Variants in CDC14B observed in about 807,000 individuals in gnomAD.
CDC14B encodes cell division cycle 14B, also known as dual specificity protein phosphatase CDC14B.
CDC14B carries 22 observed loss-of-function variants against 64.2 expected under a neutral mutation model. The observed-to-expected ratio is 0.34, with a 90% CI of 0.24 to 0.49. The LOEUF is 0.49. CDC14B is among the 20% of genes least tolerant of loss of function. CDC14B has a pLI of 0.99. For synonymous variants in CDC14B, 191 were observed against 215.8 expected, an observed-to-expected ratio of 0.89 and a Z score of 1.01; for missense variants, 498 against 629.9, an observed-to-expected ratio of 0.79 and a Z score of 2.24.
At chr9:96,514,861 C>T (rs961469411) in intron 12 of CDC14B, 15 of 985,222 alleles carry the variant, frequency 1.5e-5, no homozygotes, top group African/African-American at 1.2e-4. Context: ...AAAGCCTCTT[C>T]GCTGTTAAGG....
chr9:96,608,680 G>A (rs1347961543), intron 1 of CDC14B, among the ~76,000 whole-genome samples: 2 of 151,928 alleles, frequency 1.3e-5, no homozygotes, highest in South Asian at 2.1e-4. Context: ...ACTTCTTACC[G>A]AGAATAAACA....
chr9:96,615,687 G>A lies in CDC14B; in HGVS notation c.160+3532C>T, dbSNP rs1003391571. ...AGCCATTCGGAAAAAGAGTCTGACA[G>A]TTCCTTAAAACATTAAACGTGGAGA... On this transcript the variant is annotated intron_variant, in intron 1 of 13. Coordinates refer to ENST00000375241, the MANE Select transcript of CDC14B (RefSeq NM_033331.4). Among the ~76,000 whole-genome samples the A allele has an allele frequency of 3.9e-5, 6 of 152,202 alleles. No individual in the cohort carries two copies. In the South Asian group the frequency reaches 1.2e-3, roughly 31 times the overall value.
intron 12 of CDC14B, among the ~76,000 whole-genome samples, chr9:96,512,764 C>T (rs868122731): frequency 6.6e-6 from 1 of 152,134 alleles, no homozygotes; most frequent in Non-Finnish European, 1.5e-5. Context: ...AAGCCCAGGC[C>T]GGGGCACTCG....
At chr9:96,496,416 G>A (rs1833242646), downstream of CDC14B, 2 of 460,184 alleles carry the variant, frequency 4.3e-6, no homozygotes, top group African/African-American at 2.0e-5. Flanking sequence ...ACCACCACAG[G>A]GCCTGTCTCA....
At chr9:96,495,550 A>G (rs915588586), downstream of CDC14B, among the ~76,000 whole-genome samples, 6 of 152,190 alleles carry the variant, frequency 3.9e-5, no homozygotes, top group African/African-American at 1.4e-4. Flanking sequence ...CAGTGAGGAA[A>G]ACGTTTCAAG....
intron 1 of CDC14B, chr9:96,567,075 TC>T: frequency 1.0e-5 from 10 of 961,688 alleles, no homozygotes; most frequent in African/African-American, 1.7e-5. Context: ...CCGCTTTCTT[TC>T]CCCCCGCCTG....
At chr9:96,575,572 T>C (rs1464871536) in intron 1 of CDC14B, among the ~76,000 whole-genome samples, 1 of 152,112 alleles carries the variant, frequency 6.6e-6, no homozygotes, top group Non-Finnish European at 1.5e-5. Context: ...AGCCACCCAA[T>C]AGCAAGAAGA....
At chr9:96,610,098 TAC>T (rs570379220) in intron 1 of CDC14B, among the ~76,000 whole-genome samples, 6,894 of 148,954 alleles carry the variant, frequency 0.046, 537 homozygotes, top group African/African-American at 0.16. Flanking sequence ...GATATATAGA[TAC>T]ACACACACAC....
chr9:96,579,025 C>T (rs1844977552), intron 1 of CDC14B, among the ~76,000 whole-genome samples: 1 of 152,060 alleles, frequency 6.6e-6, no homozygotes, highest in Non-Finnish European at 1.5e-5. Flanking sequence ...ACCATGTTGG[C>T]CAGGCTGGTC....
intron 5 of CDC14B, among the ~76,000 whole-genome samples, chr9:96,546,185 T>C (rs1398420445): frequency 9.9e-5 from 15 of 152,204 alleles, no homozygotes; most frequent in Admixed American, 3.9e-4. Flanking sequence ...GGCAAATAAA[T>C]TGTGGTATAC....
intron 4 of CDC14B, among the ~76,000 whole-genome samples, chr9:96,558,040 T>G (rs985050329): frequency 6.6e-6 from 1 of 152,162 alleles, no homozygotes; most frequent in Non-Finnish European, 1.5e-5. Context: ...CAGGAAGATG[T>G]AACCAAAGTT....
intron 1 of CDC14B, among the ~76,000 whole-genome samples, chr9:96,600,561 G>A (rs908711164): frequency 1.3e-5 from 2 of 151,658 alleles, no homozygotes; most frequent in African/African-American, 4.8e-5. Context: ...GGAGTGCAAT[G>A]GTGCGATCTT....
Position 96,522,619 on chromosome 9 carries a change from A to C in CDC14B, c.1246-16T>G, listed in dbSNP as rs563402791. The C allele has an allele frequency of 6.6e-7, 1 of 1,506,720 alleles. No individual in the cohort carries two copies. Among genetic ancestry groups the C allele is most frequent in the African/African-American group, 1.4e-5 (1 of 72,958 alleles). The allele number at this position is 1,506,720 out of a possible 1,614,324, so 93.3% of individuals were successfully genotyped here. A position where few individuals can be genotyped will look rare whatever the true frequency, so the allele number is the denominator to read the frequency against. Reference sequence around the variant, plus strand: ...CATCACTGTACTGTGTAAGTAAAAAAACACTGAGCTAATGATTTAAGTTGC... The same window carrying C: ...CATCACTGTACTGTGTAAGTAAAAACACACTGAGCTAATGATTTAAGTTGC... On this transcript the variant is annotated splice_polypyrimidine_tract_variant and intron_variant, in intron 11 of 13. Transcript: ENST00000375241.
intron 1 of CDC14B, among the ~76,000 whole-genome samples, chr9:96,597,896 C>A (rs1345905836): frequency 1.3e-5 from 2 of 152,074 alleles, no homozygotes; most frequent in Non-Finnish European, 1.5e-5. Flanking sequence ...TTCATAAGGA[C>A]AATAGCATAA....
At chr9:96,576,285 A>G (rs919730209) in intron 1 of CDC14B, among the ~76,000 whole-genome samples, 1 of 151,822 alleles carries the variant, frequency 6.6e-6, no homozygotes, top group Non-Finnish European at 1.5e-5. Context: ...CATCTCAAAA[A>G]AAAAGAATTC....
At chr9:96,508,254 G>A (rs868113605) in intron 13 of CDC14B, among the ~76,000 whole-genome samples, 1 of 151,882 alleles carries the variant, frequency 6.6e-6, no homozygotes, top group Non-Finnish European at 1.5e-5. Flanking sequence ...GACCTCAAGT[G>A]GTCCACCTGC....
At chr9:96,602,858 TA>T (rs762038845) in intron 1 of CDC14B, among the ~76,000 whole-genome samples, 16 of 152,080 alleles carry the variant, frequency 1.1e-4, no homozygotes, top group Non-Finnish European at 1.8e-4. Context: ...AATGAGCACC[TA>T]TATCATAGAA....
chr9:96,516,886 G>C (rs564242467), intron 12 of CDC14B, among the ~76,000 whole-genome samples: 2 of 151,902 alleles, frequency 1.3e-5, no homozygotes, highest in African/African-American at 4.8e-5. Context: ...CCCCCTCCCG[G>C]GTTCAAGCAA....
intron 5 of CDC14B, among the ~76,000 whole-genome samples, chr9:96,551,481 C>T (rs1298499089): frequency 6.6e-6 from 1 of 151,968 alleles, no homozygotes; most frequent in East Asian, 1.9e-4. Flanking sequence ...GCTCTCCATC[C>T]CCCAAGGTCA....
Sources: gnomAD v4.1 joint callset for allele counts (sites outside exome capture counted in the v4.1 genomes callset) on GRCh38, gnomAD v4.1.1 for gene constraint, MANE v1.5 for transcripts, NCBI Gene and HGNC (gene_info 2026-07-23, HGNC 2026-07-21) for gene names.